PPM1A: variants seen among roughly 807,000 people sequenced by gnomAD.
PPM1A encodes protein phosphatase 1A.
Under a neutral mutation model 35.0 loss-of-function variants are expected in PPM1A, and 7 were observed. The ratio of observed to expected loss-of-function variants is 0.20; its 90% CI spans 0.11 to 0.38. The LOEUF is 0.38. PPM1A is among the 10% of genes least tolerant of loss of function. The pLI is 1.00. For synonymous variants in PPM1A, 153 were observed against 167.3 expected (o/e 0.91, Z 0.66); for missense variants, 239 against 467.8 (o/e 0.51, Z 4.51).
intron 1 of PPM1A, among the ~76,000 whole-genome samples, chr14:60,266,234 G>T (rs936166482): frequency 2.6e-5 from 4 of 151,964 alleles, no homozygotes; most frequent in Non-Finnish European, 4.4e-5. Flanking sequence ...CCTTTAAGGT[G>T]TTCATTTTTA....
intron 1 of PPM1A, among the ~76,000 whole-genome samples, chr14:60,255,265 G>A (rs1595265753): frequency 7.0e-6 from 1 of 143,864 alleles, no homozygotes; most frequent in East Asian, 2.0e-4. Flanking sequence ...TCCGCCTCCC[G>A]GGTTCACGCC....
At chr14:60,271,487 T>A (rs1885102166) in intron 1 of PPM1A, among the ~76,000 whole-genome samples, 1 of 152,208 alleles carries the variant, frequency 6.6e-6, no homozygotes, top group African/African-American at 2.4e-5. Flanking sequence ...CCTCATAGAT[T>A]GTGCTGTTTG....
In PPM1A at chr14:60,250,000, C is replaced by G. The variant is rs1882174471; in HGVS notation, c.-21+323C>G. On this transcript the variant is annotated intron_variant, in intron 1 of 5. Coordinates refer to ENST00000395076, the MANE Select transcript of PPM1A (RefSeq NM_021003.5). The surrounding 1 kb of genome is among the most constrained non-coding windows in gnomAD (Gnocchi z 4.5). ...CGGCGAAGCAGGCGACGGCCGCAGG[C>G]CGGCCTGGCCGGAGAGCGGCCTGCA... 6.6e-6 allele frequency among the ~76,000 whole-genome samples: 1 copy of G among 151,484 alleles called. No individual in the cohort carries two copies. Among genetic ancestry groups the G allele is most frequent in the South Asian group, 2.1e-4 (1 of 4,806 alleles).
intron 1 of PPM1A, among the ~76,000 whole-genome samples, chr14:60,255,751 G>C (rs957331749): frequency 6.6e-6 from 1 of 152,184 alleles, no homozygotes; most frequent in African/African-American, 2.4e-5. Context: ...GGATATTTAA[G>C]TGTGAAGATT....
rs1886594120 is a variant in PPM1A at position 60,283,189 on chromosome 14, A to G, written c.486A>G (p.Gln162=). Residue 162 remains glutamine, a synonymous_variant, in exon 2 of 6, where the codon CAA becomes CAG. Transcript: ENST00000395076. The surrounding 1 kb of genome is among the most constrained non-coding windows in gnomAD (Gnocchi z 6.3). ...CRNRKVHFFT[Q]DHKPSNPLEK... ...ACAGGAAAGTTCATTTCTTCACACA[A>G]GATCACAAACCAAGTAATCCGCTGG... The G allele has an allele frequency of 2.5e-6, 4 of 1,614,258 alleles. No homozygotes were observed. Among genetic ancestry groups the G allele is most frequent in the Non-Finnish European group, 3.4e-6 (4 of 1,180,044 alleles).
At chr14:60,287,654 G>A (rs1282353563) in intron 3 of PPM1A, 16 of 984,934 alleles carry the variant, frequency 1.6e-5, no homozygotes, top group Middle Eastern at 5.2e-4. Flanking sequence ...TGGCTTCTCT[G>A]TCCACACCAT....
chr14:60,296,167 A>G lies in PPM1A; in HGVS notation c.*3685A>G, dbSNP rs368678844. ...GTAGAACTCTGTGTTTTTGTAACACACTGCCAGTGTTAATATCAAATTTTA... is the reference window on the plus strand; with the variant it reads ...GTAGAACTCTGTGTTTTTGTAACACGCTGCCAGTGTTAATATCAAATTTTA... On this transcript the variant is annotated 3_prime_UTR_variant, in exon 6 of 6. Coordinates refer to ENST00000395076, the MANE Select transcript of PPM1A (RefSeq NM_021003.5). This position sits in a 1 kb window ranked among gnomAD's most constrained non-coding sequence, Gnocchi z 4.4. 2 of 151,760 alleles carry G rather than the reference A, an allele frequency of 1.3e-5. No homozygotes were observed. The highest frequency in any genetic ancestry group is 1.9e-4 in the East Asian group (1 of 5,198). 9.4% of individuals were successfully genotyped at this position (151,760 alleles called of 1,614,324 possible). A position where few individuals can be genotyped will look rare whatever the true frequency, so the allele number is the denominator to read the frequency against.
At chr14:60,257,008 A>G (rs576672192) in intron 1 of PPM1A, 34 of 152,326 alleles carry the variant, frequency 2.2e-4, no homozygotes, top group Admixed American at 2.2e-3. Flanking sequence ...AAAGTATATT[A>G]TCATATGTTA....
intron 1 of PPM1A, chr14:60,250,546 C>A (rs1595250153): frequency 1.8e-6 from 1 of 546,506 alleles, no homozygotes; most frequent in Non-Finnish European, 2.3e-6. Flanking sequence ...TTCAGTTGTC[C>A]AAGCCATGGG....
rs201235752 is a variant in PPM1A at position 60,292,649 on chromosome 14, A to ATTT, written c.*182_*184dup. ...CAGTACAACAGCTAGCCCAGAACTG[A>ATTT]TTTTTTTTTTTTTTTTTGTAAATTT... On this transcript the variant is annotated 3_prime_UTR_variant, in exon 6 of 6. Coordinates refer to ENST00000395076, the MANE Select transcript of PPM1A (RefSeq NM_021003.5). This position sits in a 1 kb window ranked among gnomAD's most constrained non-coding sequence, Gnocchi z 4.2. The ATTT allele has an allele frequency of 2.5e-4, 85 of 344,714 alleles. No homozygotes were observed. Among genetic ancestry groups the ATTT allele is most frequent in the East Asian group, 1.0e-3 (24 of 23,304 alleles). The allele number at this position is 344,714 out of a possible 1,614,324, so 21.4% of individuals were successfully genotyped here. A position where few individuals can be genotyped will look rare whatever the true frequency, so the allele number is the denominator to read the frequency against.
chr14:60,251,574 T>G (rs1882420749), intron 1 of PPM1A, among the ~76,000 whole-genome samples: 1 of 152,192 alleles, frequency 6.6e-6, no homozygotes, highest in Non-Finnish European at 1.5e-5. Flanking sequence ...TTGGGCAGAT[T>G]ATATTATCAC....
rs955813399 is a variant in PPM1A at position 60,277,045 on chromosome 14, T to C, written c.-20-5639T>C. ...AGTTCAGATCAACTGATAATACTAGTGCTGTGATGAGACTCAGCTTGTACT... is the reference window on the plus strand; with the variant it reads ...AGTTCAGATCAACTGATAATACTAGCGCTGTGATGAGACTCAGCTTGTACT... On this transcript the variant is annotated intron_variant, in intron 1 of 5. Transcript: ENST00000395076. 4 of 1,212,992 alleles carry C rather than the reference T, an allele frequency of 3.3e-6. No homozygotes were observed. The African/African-American group carries it at 6.3e-5, about 19-fold the overall frequency. The allele number at this position is 1,212,992 out of a possible 1,614,324, so 75.1% of individuals were successfully genotyped here.
In PPM1A at chr14:60,289,894, A is replaced by G. The variant is rs778018842; in HGVS notation, c.1041A>G (p.Pro347=). 1.3e-6 allele frequency: 2 copies of G among 1,586,478 alleles called. No individual in the cohort carries two copies. The highest frequency in any genetic ancestry group is 1.4e-5 in the African/African-American group (1 of 72,626). Residue 347 remains proline, a synonymous_variant, in exon 4 of 6, where the codon CCA becomes CCG. Transcript: ENST00000395076. This position sits in a 1 kb window ranked among gnomAD's most constrained non-coding sequence, Gnocchi z 4.1. ...LASENIPSLP[P]GGELASKRNV... The stretch of plus-strand genomic sequence containing the variant: ...GTGAGAACATCCCCAGCCTCCCACC[A>G]GGGGGTGAATTGGCAAGCAAGTAAG...
chr14:60,282,710 G>A lies in PPM1A; in HGVS notation c.7G>A (p.Ala3Thr), dbSNP rs1206551926. The change falls in exon 2 of 6, where the codon GCA becomes ACA. Residue 3 changes from alanine to threonine, a missense_variant. Physicochemically the swap from Ala to Thr is moderately conservative, Grantham distance 58. Around this residue, in one of 2 missense-constraint regions of PPM1A, gnomAD observed 175 missense variants for 389.2 expected, o/e 0.45. Coordinates refer to ENST00000395076, the MANE Select transcript of PPM1A (RefSeq NM_021003.5). This position sits in a 1 kb window ranked among gnomAD's most constrained non-coding sequence, Gnocchi z 5.1. ...CCTAGAGGATCAAGACATAATGGGA[G>A]CATTTTTAGACAAGCCAAAGATGGA... MG[A>T]FLDKPKMEKH... 1.9e-6 allele frequency: 3 copies of A among 1,614,074 alleles called. No homozygotes were observed. The African/African-American group carries it at 4.0e-5, about 22-fold the overall frequency.
At chr14:60,286,518 A>AG in intron 3 of PPM1A, 1 of 985,290 alleles carries the variant, frequency 1.0e-6, no homozygotes. Context: ...GAGCTGAGGT[A>AG]GAAAAAAAAC....
chr14:60,277,183 A>G (rs1276164128), intron 1 of PPM1A: 3 of 281,836 alleles, frequency 1.1e-5, no homozygotes, highest in Non-Finnish European at 1.2e-5. Flanking sequence ...ATATACGCCA[A>G]TTTAATTATT....
At chr14:60,285,580 A>G in intron 2 of PPM1A, 44 bp from the exon 3 acceptor site, 2 of 1,592,262 alleles carry the variant, frequency 1.3e-6, no homozygotes, top group Non-Finnish European at 1.7e-6. Flanking sequence ...GGCTTTGAAG[A>G]GCAAAAAGAA....
chr14:60,246,515 T>A (rs1881793416), upstream of PPM1A, among the ~76,000 whole-genome samples: 1 of 152,176 alleles, frequency 6.6e-6, no homozygotes, highest in South Asian at 2.1e-4. Context: ...TACTAAAATG[T>A]CATCATCATG....
In PPM1A at chr14:60,289,877, A is replaced by G. The variant is rs1375464368; in HGVS notation, c.1024A>G (p.Ile342Val). Residue 342 changes from isoleucine (I) to valine (V), a missense_variant, in exon 4 of 6, where the codon ATC (isoleucine) becomes GTC (valine). Around this residue, in one of 2 missense-constraint regions of PPM1A, gnomAD observed 64 missense variants for 78.6 expected, o/e 0.81. Transcript: ENST00000395076. This position sits in a 1 kb window ranked among gnomAD's most constrained non-coding sequence, Gnocchi z 4.1. The part of the protein sequence containing the change: ...HVMRTLASEN[I>V]PSLPPGGELA... ...GATGCGCACATTAGCGAGTGAGAAC[A>G]TCCCCAGCCTCCCACCAGGGGGTGA... 1.3e-6 allele frequency: 2 copies of G among 1,591,854 alleles called. No homozygotes were observed. Among genetic ancestry groups the G allele is most frequent in the African/African-American group, 2.7e-5 (2 of 72,944 alleles).
Sources: allele counts gnomAD v4.1 joint callset (sites outside exome capture counted in the v4.1 genomes callset), GRCh38; gene constraint gnomAD v4.1.1; regional missense constraint gnomAD v4.1.1; non-coding constraint Gnocchi (gnomAD v3.1); transcripts MANE v1.5; gene names NCBI Gene and HGNC (gene_info 2026-07-23, HGNC 2026-07-21).